ERBB4: variants seen among roughly 807,000 people sequenced by gnomAD.
ERBB4 encodes the protein receptor tyrosine-protein kinase erbB-4.
In ERBB4, 42 loss-of-function variants were observed where a neutral mutation model predicts 158.0. The ratio of observed to expected loss-of-function variants is 0.27; its 90% CI spans 0.21 to 0.34. The LOEUF (loss-of-function observed/expected upper bound fraction) is 0.34. ERBB4 is among the 10% of genes least tolerant of loss of function. The pLI is 1.00. For synonymous variants in ERBB4, 583 were observed against 558.7 expected, an observed-to-expected ratio of 1.04 and a Z score of -0.61; for missense variants, 1,333 against 1,624.1, an observed-to-expected ratio of 0.82 and a Z score of 3.08.
chr2:211,644,178 C>G (rs896472857), intron 16 of ERBB4, among the ~76,000 whole-genome samples: 9 of 151,880 alleles, frequency 5.9e-5, no homozygotes, highest in Non-Finnish European at 7.4e-5. Flanking sequence ...TCATTGCACC[C>G]CATTTTAAAT....
chr2:211,932,167 G>T (rs1263499387), intron 3 of ERBB4, among the ~76,000 whole-genome samples: 1 of 151,972 alleles, frequency 6.6e-6, no homozygotes, highest in Non-Finnish European at 1.5e-5. Context: ...CACATAGGCT[G>T]GGTTTGAATT....
intron 3 of ERBB4, among the ~76,000 whole-genome samples, chr2:211,802,678 CAA>C (rs1291652144): frequency 6.6e-6 from 1 of 152,192 alleles, no homozygotes; most frequent in East Asian, 1.9e-4. Flanking sequence ...TCCAGAGCTT[CAA>C]GAGTTATAAT....
intron 5 of ERBB4, among the ~76,000 whole-genome samples, chr2:211,732,178 C>T (rs574611224): frequency 1.3e-5 from 2 of 152,198 alleles, no homozygotes; most frequent in African/African-American, 4.8e-5. Flanking sequence ...TCTTTCCTAT[C>T]TCATATTAAA....
At chr2:211,497,904 G>A (rs575611158) in intron 20 of ERBB4, among the ~76,000 whole-genome samples, 2 of 152,230 alleles carry the variant, frequency 1.3e-5, no homozygotes, top group South Asian at 4.2e-4. Flanking sequence ...ACACAGACAA[G>A]AGGAAACTTC....
At chr2:211,509,706 AG>A (rs1300026194) in intron 20 of ERBB4, among the ~76,000 whole-genome samples, 18 of 152,108 alleles carry the variant, frequency 1.2e-4, no homozygotes, top group African/African-American at 4.3e-4. Context: ...CCAACAAAGG[AG>A]TAATATCCAG....
chr2:212,428,098 A>T (rs933316129), intron 1 of ERBB4, among the ~76,000 whole-genome samples: 3 of 152,166 alleles, frequency 2.0e-5, no homozygotes, highest in Non-Finnish European at 4.4e-5. Context: ...AAACTGACAA[A>T]TCACTTATGA....
chr2:212,489,988 T>C (rs1221381915), intron 1 of ERBB4, among the ~76,000 whole-genome samples: 1 of 151,816 alleles, frequency 6.6e-6, no homozygotes, highest in Non-Finnish European at 1.5e-5. Context: ...AATATTATGT[T>C]CTAAGAATAT....
intron 3 of ERBB4, among the ~76,000 whole-genome samples, chr2:211,914,636 A>T (rs2079637116): frequency 6.6e-6 from 1 of 152,272 alleles, no homozygotes; most frequent in African/African-American, 2.4e-5. Flanking sequence ...GGAACTATAA[A>T]TGCATGTATA....
At chr2:212,103,292 G>C (rs2079134803) in intron 2 of ERBB4, among the ~76,000 whole-genome samples, 1 of 151,938 alleles carries the variant, frequency 6.6e-6, no homozygotes, top group South Asian at 2.1e-4. Flanking sequence ...CACTTTCTAG[G>C]CCAGTATAAT....
intron 20 of ERBB4, among the ~76,000 whole-genome samples, chr2:211,471,157 A>G (rs1408895806): frequency 6.6e-6 from 1 of 152,074 alleles, no homozygotes; most frequent in East Asian, 1.9e-4. Flanking sequence ...AAAAAGACAG[A>G]GAGAGAGGGA....
In ERBB4 at chr2:211,772,946, TA is replaced by T. The variant is rs1212714717; in HGVS notation, c.556+15078del. Reference sequence around the variant, plus strand: ...ACACATATATATATATATATATATATATATATATATTTTTTTTTTTAAAGAT... The same window carrying T: ...ACACATATATATATATATATATATATTATATATATTTTTTTTTTTAAAGAT... On this transcript the variant is annotated intron_variant, in intron 4 of 27. Coordinates refer to ENST00000342788, the MANE Select transcript of ERBB4 (RefSeq NM_005235.3). Among the ~76,000 whole-genome samples, 92 of 85,510 alleles carry T rather than the reference TA, an allele frequency of 1.1e-3. 7 individuals carry two copies. The highest frequency in any genetic ancestry group is 4.9e-3 in the African/African-American group (77 of 15,574). 56.1% of individuals were successfully genotyped at this position (85,510 alleles called of 152,430 possible).
intron 2 of ERBB4, among the ~76,000 whole-genome samples, chr2:212,004,986 A>G (rs2076226094): frequency 6.6e-6 from 1 of 152,134 alleles, no homozygotes; most frequent in Non-Finnish European, 1.5e-5. Context: ...CTTCATTTGC[A>G]TATTGGCTAA....
intron 3 of ERBB4, among the ~76,000 whole-genome samples, chr2:211,899,929 G>C (rs1446659490): frequency 6.6e-6 from 1 of 152,100 alleles, no homozygotes; most frequent in Non-Finnish European, 1.5e-5. Context: ...TAAACGGAAA[G>C]GCAAACTTAA....
intron 1 of ERBB4, among the ~76,000 whole-genome samples, chr2:212,198,161 G>C (rs562386063): frequency 2.2e-4 from 34 of 152,264 alleles, no homozygotes; most frequent in Non-Finnish European, 4.1e-4. Context: ...TTGTCTGAAA[G>C]TTAACTTTTG....
At chr2:212,177,961 T>TGTGA (rs1260918076) in intron 1 of ERBB4, among the ~76,000 whole-genome samples, 3 of 31,092 alleles carry the variant, frequency 9.6e-5, no homozygotes, top group African/African-American at 2.2e-4. Flanking sequence ...TGAGTGTGAG[T>TGTGA]GTGTGTGTGT....
intron 1 of ERBB4, among the ~76,000 whole-genome samples, chr2:212,399,791 A>G (rs2106459690): frequency 6.6e-6 from 1 of 151,320 alleles, no homozygotes; most frequent in South Asian, 2.1e-4. Flanking sequence ...AGGCAGGAGA[A>G]TTACTTCAAT....
chr2:211,667,953 G>A (rs1392563993), intron 14 of ERBB4, among the ~76,000 whole-genome samples: 1 of 152,072 alleles, frequency 6.6e-6, no homozygotes, highest in Non-Finnish European at 1.5e-5. Flanking sequence ...TCTGAGCAAT[G>A]CATCATTAGG....
chr2:212,125,032 T>G, intron 1 of ERBB4, 129 bp from the exon 2 acceptor site: 9 of 1,104,728 alleles, frequency 8.1e-6, no homozygotes, highest in Non-Finnish European at 1.2e-5. Context: ...ATTTCGATCG[T>G]CATTAAGAGG....
intron 1 of ERBB4, among the ~76,000 whole-genome samples, chr2:212,324,786 G>C (rs1003175585): frequency 8.6e-5 from 13 of 150,414 alleles, no homozygotes; most frequent in African/African-American, 3.2e-4. Context: ...TGGGAAGAGG[G>C]GGAAATACTA....
Sources: gnomAD v4.1 joint callset for allele counts (sites outside exome capture counted in the v4.1 genomes callset) on GRCh38, gnomAD v4.1.1 for gene constraint, MANE v1.5 for transcripts, NCBI Gene and HGNC (gene_info 2026-07-23, HGNC 2026-07-21) for gene names.